UGT1A10: variants seen among roughly 807,000 people sequenced by gnomAD.
UGT1A10 encodes UDP glucuronosyltransferase family 1 member A10, also known as UDP-glucuronosyltransferase 1A10.
A neutral mutation model predicts 45.8 loss-of-function variants in UGT1A10; 49 were observed. That is an observed-to-expected ratio of 1.07 (90% CI 0.85 to 1.36). The LOEUF (loss-of-function observed/expected upper bound fraction) is 1.36, where lower values mean the gene tolerates loss of function less well. UGT1A10 is among the 40% of genes most tolerant of loss of function. The pLI is 0.00. For missense variants in UGT1A10, 745 were observed against 668.6 expected (o/e 1.11, Z -1.26); for synonymous variants, 284 against 249.7 (o/e 1.14, Z -1.29).
intron 4 of UGT1A10, chr2:233,770,675 A>T (rs1188149827): frequency 6.6e-6 from 1 of 151,870 alleles, no homozygotes; most frequent in African/African-American, 2.4e-5. Flanking sequence ...AAAAAAAAAA[A>T]GAAGGTTCCA....
intron 1 of UGT1A10, among the ~76,000 whole-genome samples, chr2:233,666,597 ATG>A (rs1355135474): frequency 1.3e-5 from 2 of 151,722 alleles, no homozygotes; most frequent in Non-Finnish European, 2.9e-5. Context: ...CAGTCTGTAG[ATG>A]TTTTTTTTAA....
intron 1 of UGT1A10, among the ~76,000 whole-genome samples, chr2:233,726,241 T>TG (rs535893777): frequency 2.0e-4 from 31 of 152,288 alleles, no homozygotes; most frequent in African/African-American, 6.7e-4. Context: ...AACTCCAATA[T>TG]GAAAAGCTGG....
intron 1 of UGT1A10, chr2:233,719,272 C>T (rs1269795663): frequency 6.2e-7 from 1 of 1,614,132 alleles, no homozygotes; most frequent in Admixed American, 1.7e-5. Flanking sequence ...GTGGTTTTAA[C>T]AGACCCCGTT....
At chr2:233,639,087 C>T (rs919404076) in intron 1 of UGT1A10, among the ~76,000 whole-genome samples, 29 of 151,972 alleles carry the variant, frequency 1.9e-4, no homozygotes, top group African/African-American at 6.5e-4. Context: ...CACCTAGAGG[C>T]CTTTAAAGAT....
At chr2:233,687,154 A>C (rs2074825974) in intron 1 of UGT1A10, among the ~76,000 whole-genome samples, 1 of 152,256 alleles carries the variant, frequency 6.6e-6, no homozygotes, top group Non-Finnish European at 1.5e-5. Flanking sequence ...TAATACATGC[A>C]GATGACTGGC....
At chr2:233,681,948 C>G (rs896900111) in intron 1 of UGT1A10, 2 of 1,613,230 alleles carry the variant, frequency 1.2e-6, no homozygotes. Flanking sequence ...ATGGCTCGTG[C>G]AGGGTGGACT....
At chr2:233,758,245 A>G (rs1047370626) in intron 1 of UGT1A10, among the ~76,000 whole-genome samples, 51 of 152,214 alleles carry the variant, frequency 3.4e-4, no homozygotes, top group Non-Finnish European at 1.9e-4. Flanking sequence ...ATTGCCCACT[A>G]TTCAGATTAG....
chr2:233,746,306 G>A (rs1693354657), intron 1 of UGT1A10, among the ~76,000 whole-genome samples: 2 of 151,750 alleles, frequency 1.3e-5, no homozygotes, highest in Admixed American at 6.5e-5. Flanking sequence ...TTCCCTTGGA[G>A]GGCCCTGTAG....
At chr2:233,709,342 AC>A (rs2076072449) in intron 1 of UGT1A10, among the ~76,000 whole-genome samples, 1 of 152,100 alleles carries the variant, frequency 6.6e-6, no homozygotes, top group African/African-American at 2.4e-5. Context: ...TGTCATATAA[AC>A]CTATTACTAT....
At position 233,725,264 on chromosome 2, in the gene UGT1A10, G is replaced by GGCAGAGGCA. The variant is rs1216362118; in HGVS notation, c.856-41769_856-41768insCAGAGGCAG. The stretch of plus-strand genomic sequence containing the variant: ...CAGAGGCAGAGGAGGCAGAGGCAGA[G>GGCAGAGGCA]GAGGCAGAGGCAGAGGCAGAGGCAG... On this transcript the variant is annotated intron_variant, in intron 1 of 4. Transcript: ENST00000344644. Among the ~76,000 whole-genome samples, 37 of 58,530 alleles carry GGCAGAGGCA rather than the reference G, an allele frequency of 6.3e-4. 2 individuals are homozygous for GGCAGAGGCA. Among genetic ancestry groups the GGCAGAGGCA allele is most frequent in the African/African-American group, 3.7e-3 (28 of 7,620 alleles). The allele number at this position is 58,530 out of a possible 152,430, so 38.4% of individuals were successfully genotyped here. A position where few individuals can be genotyped will look rare whatever the true frequency, so the allele number is the denominator to read the frequency against.
intron 1 of UGT1A10, among the ~76,000 whole-genome samples, chr2:233,647,014 C>G (rs1025461588): frequency 2.0e-5 from 3 of 152,210 alleles, no homozygotes; most frequent in Non-Finnish European, 4.4e-5. Context: ...GGAGGCCTCA[C>G]AATCATGGCA....
chr2:233,769,890 A>C lies in UGT1A10; in HGVS notation c.1295+1451A>C. On this transcript the variant is annotated intron_variant, in intron 4 of 4. Transcript: ENST00000344644. This position sits in a 1 kb window ranked among gnomAD's most constrained non-coding sequence, Gnocchi z 4.4. Reference sequence around the variant, plus strand: ...AAAAAAAAAATGAAAAGTCCACATAACCTGAGCATCATGTGCCCAGAGCGT... The same window carrying C: ...AAAAAAAAAATGAAAAGTCCACATACCCTGAGCATCATGTGCCCAGAGCGT... 1 of 371,658 alleles carries C rather than the reference A, an allele frequency of 2.7e-6. No homozygotes were observed. 23.0% of individuals were successfully genotyped at this position (371,658 alleles called of 1,614,324 possible).
At chr2:233,743,979 A>G (rs1692622611) in intron 1 of UGT1A10, 33 of 1,306,002 alleles carry the variant, frequency 2.5e-5, no homozygotes, top group South Asian at 6.3e-5. Context: ...GCCAGCACCC[A>G]GGCGCAGGCC....
chr2:233,709,732 ATAC>A (rs1331769272), intron 1 of UGT1A10, among the ~76,000 whole-genome samples: 2 of 152,330 alleles, frequency 1.3e-5, no homozygotes, highest in East Asian at 1.9e-4. Flanking sequence ...TTTTCAATTG[ATAC>A]TACTAAAATA....
intron 1 of UGT1A10, among the ~76,000 whole-genome samples, chr2:233,674,386 C>T (rs771458147): frequency 6.6e-6 from 1 of 152,100 alleles, no homozygotes; most frequent in Non-Finnish European, 1.5e-5. Flanking sequence ...CCCCTTTACC[C>T]TCCATAAATT....
chr2:233,663,597 A>G (rs1222939567), intron 1 of UGT1A10, among the ~76,000 whole-genome samples: 2 of 152,206 alleles, frequency 1.3e-5, no homozygotes, highest in African/African-American at 4.8e-5. Flanking sequence ...ATCCTAAACC[A>G]TAATTTCTAA....
chr2:233,743,956 G>T (rs184316279), intron 1 of UGT1A10: 2 of 1,338,248 alleles, frequency 1.5e-6, no homozygotes, highest in Non-Finnish European at 9.9e-7. Flanking sequence ...CTGGCACAGC[G>T]AGCGGCAAGG....
At position 233,769,924 on chromosome 2, in the gene UGT1A10, G is replaced by A. The variant is rs1699985317; in HGVS notation, c.1295+1485G>A. On this transcript the variant is annotated intron_variant, in intron 4 of 4. Coordinates refer to ENST00000344644, the MANE Select transcript of UGT1A10 (RefSeq NM_019075.4). This position sits in a 1 kb window ranked among gnomAD's most constrained non-coding sequence, Gnocchi z 4.4. Reference sequence around the variant, plus strand: ...TCATGTGCCCAGAGCGTTGGGTGGTGTGGTCCCATTCCTTCCTTCCAGCGG... The same window carrying A: ...TCATGTGCCCAGAGCGTTGGGTGGTATGGTCCCATTCCTTCCTTCCAGCGG... 1.1e-5 allele frequency: 3 copies of A among 268,160 alleles called. No individual in the cohort carries two copies. In the South Asian group the frequency reaches 2.2e-4, roughly 20 times the overall value. 16.6% of individuals were successfully genotyped at this position (268,160 alleles called of 1,614,324 possible). A position where few individuals can be genotyped will look rare whatever the true frequency, so the allele number is the denominator to read the frequency against.
intron 1 of UGT1A10, among the ~76,000 whole-genome samples, chr2:233,704,322 T>C (rs1003349124): frequency 1.3e-5 from 2 of 152,026 alleles, no homozygotes; most frequent in African/African-American, 4.8e-5. Context: ...TTAATGTTTT[T>C]CTTTCCACTA....
Sources: gnomAD v4.1 joint callset for allele counts (sites outside exome capture counted in the v4.1 genomes callset) on GRCh38, gnomAD v4.1.1 for gene constraint, Gnocchi (gnomAD v3.1) non-coding constraint, MANE v1.5 for transcripts, NCBI Gene and HGNC (gene_info 2026-07-23, HGNC 2026-07-21) for gene names.